AGBL4: variants seen among roughly 807,000 people sequenced by gnomAD.
AGBL4 encodes the protein AGBL carboxypeptidase 4.
AGBL4 carries 58 observed loss-of-function variants against 66.4 expected under a neutral mutation model. That is an observed-to-expected ratio of 0.87 (90% CI 0.71 to 1.09). The LOEUF (loss-of-function observed/expected upper bound fraction) is 1.09, where lower values mean the gene tolerates loss of function less well. Among genes scored for constraint, AGBL4 ranks in the 50% least tolerant of loss-of-function variants. AGBL4 has a pLI of 0.00. For missense variants in AGBL4, 579 were observed against 631.0 expected (o/e 0.92, Z 0.88); for synonymous variants, 234 against 222.9 (o/e 1.05, Z -0.44).
intron 2 of AGBL4, among the ~76,000 whole-genome samples, chr1:49,815,331 G>C (rs1645204983): frequency 6.6e-6 from 1 of 152,038 alleles, no homozygotes. Flanking sequence ...GTTCCATGTT[G>C]TTGCAAATGA....
chr1:49,230,861 G>A (rs988198638), intron 4 of AGBL4, among the ~76,000 whole-genome samples: 63 of 152,104 alleles, frequency 4.1e-4, no homozygotes, highest in African/African-American at 1.5e-3. Context: ...AAGCACATCT[G>A]GATTCCAGTT....
At chr1:49,928,986 TA>T (rs763867337) in intron 1 of AGBL4, among the ~76,000 whole-genome samples, 271 of 152,188 alleles carry the variant, frequency 1.8e-3, no homozygotes, top group Non-Finnish European at 3.2e-3. Context: ...TAGACAGCCA[TA>T]AAAAAGAATG....
rs569405654 is a variant in AGBL4, at chr1:49,229,450, C to CA, written c.377+16319_377+16320insT. Among the ~76,000 whole-genome samples, 164 of 152,272 alleles carry CA rather than the reference C, an allele frequency of 1.1e-3. 1 individual carries two copies. The highest frequency in any genetic ancestry group is 3.8e-3 in the African/African-American group (158 of 41,548). ...ACATAGTCTAGAAAAACTACCTGCA[C>CA]GTGGTCCTGTTTAAAGAAACAACTG... On this transcript the variant is annotated intron_variant, in intron 4 of 13. Coordinates refer to ENST00000371839, the MANE Select transcript of AGBL4 (RefSeq NM_032785.4).
At chr1:49,966,237 T>C (rs1208110557) in intron 1 of AGBL4, among the ~76,000 whole-genome samples, 1 of 152,114 alleles carries the variant, frequency 6.6e-6, no homozygotes, top group Non-Finnish European at 1.5e-5. Flanking sequence ...CCACCGTGCC[T>C]GGCCTACAAT....
rs116124733 is a variant in AGBL4 at position 48,617,264 on chromosome 1, G to A, written c.951+17229C>T. ...ATATTAAAAAAGGTCAAAATGAACC[G>A]CAGCAAAATGAGACATTTTGTCATT... On this transcript the variant is annotated intron_variant, in intron 9 of 13. Transcript: ENST00000371839. Among the ~76,000 whole-genome samples, 755 of 152,142 alleles carry A rather than the reference G, an allele frequency of 5.0e-3. 5 individuals are homozygous for A. The highest frequency in any genetic ancestry group is 7.4e-3 in the Non-Finnish European group (504 of 67,998).
At chr1:48,804,438 A>G (rs914452197) in intron 6 of AGBL4, among the ~76,000 whole-genome samples, 1 of 152,198 alleles carries the variant, frequency 6.6e-6, no homozygotes, top group African/African-American at 2.4e-5. Context: ...GAAATGTTCC[A>G]AGGTTTTGCA....
chr1:49,011,039 TTAAAC>T (rs1302087666), intron 5 of AGBL4, among the ~76,000 whole-genome samples: 1 of 151,950 alleles, frequency 6.6e-6, no homozygotes, highest in African/African-American at 2.4e-5. Flanking sequence ...TGGGATCTAA[TTAAAC>T]TAAAGAGCTT....
chr1:49,933,085 C>G (rs1350989082), intron 1 of AGBL4, among the ~76,000 whole-genome samples: 2 of 152,034 alleles, frequency 1.3e-5, no homozygotes, highest in African/African-American at 2.4e-5. Flanking sequence ...ATATCCCAAA[C>G]AGGATGAACC....
At chr1:49,188,120 T>G (rs1196672351) in intron 4 of AGBL4, among the ~76,000 whole-genome samples, 1 of 152,140 alleles carries the variant, frequency 6.6e-6, no homozygotes, top group East Asian at 1.9e-4. Flanking sequence ...TGTAAGTCCA[T>G]TAAACTTCTT....
At chr1:49,800,397 G>A (rs1644830879) in intron 2 of AGBL4, among the ~76,000 whole-genome samples, 1 of 144,414 alleles carries the variant, frequency 6.9e-6, no homozygotes, top group South Asian at 2.3e-4. Flanking sequence ...TAAGTTTTAG[G>A]GTACATGTGC....
intron 1 of AGBL4, among the ~76,000 whole-genome samples, chr1:49,948,184 A>G (rs1655594969): frequency 1.0e-5 from 1 of 98,256 alleles, no homozygotes; most frequent in African/African-American, 4.1e-5. Flanking sequence ...ATATAACTAT[A>G]TATAAATATA....
intron 3 of AGBL4, among the ~76,000 whole-genome samples, chr1:49,537,109 T>C (rs1651655256): frequency 6.6e-6 from 1 of 151,784 alleles, no homozygotes; most frequent in Admixed American, 6.6e-5. Context: ...AGAATGGAAC[T>C]GGACCCCTAT....
chr1:48,889,025 C>T (rs904850262), intron 5 of AGBL4, among the ~76,000 whole-genome samples: 3 of 152,150 alleles, frequency 2.0e-5, no homozygotes. Flanking sequence ...AACAAAGAAG[C>T]TAAAGGAGCC....
intron 3 of AGBL4, among the ~76,000 whole-genome samples, chr1:49,674,426 A>G (rs1420517487): frequency 1.3e-5 from 2 of 151,720 alleles, no homozygotes; most frequent in Non-Finnish European, 2.9e-5. Context: ...AACTTGCCCA[A>G]TTGCCCAGCC....
At chr1:48,886,858 GC>G (rs1359124279) in intron 5 of AGBL4, among the ~76,000 whole-genome samples, 2 of 152,116 alleles carry the variant, frequency 1.3e-5, no homozygotes, top group Non-Finnish European at 2.9e-5. Context: ...GCCACGGTCA[GC>G]CACAAATTCT....
chr1:49,337,962 C>T (rs1645469862), intron 3 of AGBL4, among the ~76,000 whole-genome samples: 1 of 152,160 alleles, frequency 6.6e-6, no homozygotes, highest in Non-Finnish European at 1.5e-5. Flanking sequence ...CCATCAGGCT[C>T]CTGTGGGTGA....
chr1:49,120,512 G>C lies in AGBL4; in HGVS notation c.378-74712C>G, dbSNP rs567927267. ...GAAAAGTCTTTTCTTCAAGAATGTT[G>C]AATATTGGCCCCCACTCTCTTCTGG... On this transcript the variant is annotated intron_variant, in intron 4 of 13. Transcript: ENST00000371839. 1.3e-4 allele frequency among the ~76,000 whole-genome samples: 20 copies of C among 152,262 alleles called. No homozygotes were observed. The South Asian group carries it at 2.7e-3, about 21-fold the overall frequency.
intron 1 of AGBL4, among the ~76,000 whole-genome samples, chr1:49,906,882 C>T (rs1439459041): frequency 6.6e-6 from 1 of 152,018 alleles, no homozygotes; most frequent in African/African-American, 2.4e-5. Context: ...GTATGAAATT[C>T]TGGTCTTGGA....
chr1:49,149,491 T>C (rs1359115629), intron 4 of AGBL4, among the ~76,000 whole-genome samples: 1 of 152,250 alleles, frequency 6.6e-6, no homozygotes, highest in Non-Finnish European at 1.5e-5. Context: ...GAGTACATTC[T>C]AGGAATGTAG....
Sources: gnomAD v4.1 joint callset for allele counts (sites outside exome capture counted in the v4.1 genomes callset) on GRCh38, gnomAD v4.1.1 for gene constraint, MANE v1.5 for transcripts, NCBI Gene and HGNC (gene_info 2026-07-23, HGNC 2026-07-21) for gene names.